Variants in HEMK2 observed in about 807,000 individuals in gnomAD.
The protein encoded by HEMK2 is methyltransferase HEMK2.
chr21:28,709,234 C>G, the HEMK2 span, among the ~76,000 whole-genome samples: 1 of 152,222 alleles, frequency 6.6e-6, no homozygotes, highest in Non-Finnish European at 1.5e-5. Context: ...CACAAACATT[C>G]TGTCCATTGC....
chr21:28,704,570 A>AC, the HEMK2 span, among the ~76,000 whole-genome samples: 1 of 150,776 alleles, frequency 6.6e-6, no homozygotes, highest in Non-Finnish European at 1.5e-5. Context: ...AAAAAAAAAA[A>AC]AAAAAAAACT....
At chr21:28,665,414 A>T in the HEMK2 span, among the ~76,000 whole-genome samples, 52 of 24,256 alleles carry the variant, frequency 2.1e-3, no homozygotes, top group Non-Finnish European at 2.5e-3. Flanking sequence ...TTATAGTCTA[A>T]GTTTTAGGGT....
chr21:28,576,378 A>C, the HEMK2 span, among the ~76,000 whole-genome samples: 1 of 152,144 alleles, frequency 6.6e-6, no homozygotes, highest in Non-Finnish European at 1.5e-5. Context: ...GCCATTCATA[A>C]ATTTCTCTTG....
chr21:28,699,824 G>GC, the HEMK2 span, among the ~76,000 whole-genome samples: 1 of 152,198 alleles, frequency 6.6e-6, no homozygotes, highest in Non-Finnish European at 1.5e-5. Flanking sequence ...GTTTCGTCAT[G>GC]CCCCATGAAA....
chr21:28,756,007 T>C, the HEMK2 span, among the ~76,000 whole-genome samples: 1 of 152,234 alleles, frequency 6.6e-6, no homozygotes, highest in Non-Finnish European at 1.5e-5. Context: ...GCCAGAATTG[T>C]AGCAGCTGAA....
chr21:28,646,641 CA>C, the HEMK2 span, among the ~76,000 whole-genome samples: 9 of 152,254 alleles, frequency 5.9e-5, no homozygotes, highest in Non-Finnish European at 1.2e-4. Context: ...TAGCATCAGT[CA>C]GGTGGCAGCT....
At chr21:28,581,354 C>T in the HEMK2 span, among the ~76,000 whole-genome samples, 5 of 152,202 alleles carry the variant, frequency 3.3e-5, no homozygotes, top group African/African-American at 1.2e-4. Context: ...GGTACAATTG[C>T]ACCACAGCTG....
At chr21:28,691,562 T>C in the HEMK2 span, among the ~76,000 whole-genome samples, 1 of 152,116 alleles carries the variant, frequency 6.6e-6, no homozygotes, top group African/African-American at 2.4e-5. Flanking sequence ...CTTATACATA[T>C]ACTGCCCCCG....
the HEMK2 span, among the ~76,000 whole-genome samples, chr21:28,613,944 TC>T: frequency 1 from 152,282 of 152,282 alleles, 76,141 homozygotes; most frequent in Non-Finnish European, 1. Context: ...CATGACTTTC[TC>T]CCCACGGTTC....
the HEMK2 span, among the ~76,000 whole-genome samples, chr21:28,789,424 C>A: frequency 6.6e-6 from 1 of 152,086 alleles, no homozygotes. Context: ...AGACAAGATG[C>A]TTGGCAGAGG....
the HEMK2 span, chr21:28,577,506 A>G: frequency 6.6e-6 from 1 of 152,212 alleles, no homozygotes; most frequent in Admixed American, 6.5e-5. Flanking sequence ...GATTTGCAAT[A>G]AGCATTGATA....
At chr21:28,781,335 A>G in the HEMK2 span, among the ~76,000 whole-genome samples, 9 of 152,156 alleles carry the variant, frequency 5.9e-5, no homozygotes, top group African/African-American at 2.2e-4. Flanking sequence ...ATCCATCTCT[A>G]TCATTCTTAT....
the HEMK2 span, among the ~76,000 whole-genome samples, chr21:28,691,242 CAT>C: frequency 1.0e-5 from 1 of 99,632 alleles, no homozygotes; most frequent in Non-Finnish European, 1.8e-5. Context: ...TGAGACAGTT[CAT>C]ATGAGAGAGG....
the HEMK2 span, among the ~76,000 whole-genome samples, chr21:28,841,481 A>G: frequency 3.3e-5 from 4 of 119,580 alleles, no homozygotes; most frequent in Non-Finnish European, 6.7e-5. Context: ...GGAATACTAC[A>G]TAGCCATAAA....
At chr21:28,801,858 A>G in the HEMK2 span, among the ~76,000 whole-genome samples, 8 of 148,690 alleles carry the variant, frequency 5.4e-5, no homozygotes, top group Admixed American at 4.7e-4. Flanking sequence ...TTGGATTAAC[A>G]AAAAAAGAAT....
At chr21:28,854,408 AT>A in the HEMK2 span, among the ~76,000 whole-genome samples, 1 of 150,642 alleles carries the variant, frequency 6.6e-6, no homozygotes, top group African/African-American at 2.5e-5. Flanking sequence ...CAACCTTAAT[AT>A]TTTGTTCCTC....
At chr21:28,596,609 C>T in the HEMK2 span, among the ~76,000 whole-genome samples, 1 of 152,136 alleles carries the variant, frequency 6.6e-6, no homozygotes, top group Non-Finnish European at 1.5e-5. Context: ...TCATAATTTG[C>T]TGCAACTCAA....
At chr21:28,695,595 G>A in the HEMK2 span, among the ~76,000 whole-genome samples, 1 of 152,036 alleles carries the variant, frequency 6.6e-6, no homozygotes, top group Non-Finnish European at 1.5e-5. Flanking sequence ...TCACTACCAT[G>A]AGAACCGCCC....
the HEMK2 span, among the ~76,000 whole-genome samples, chr21:28,815,962 G>A: frequency 2.6e-5 from 4 of 152,116 alleles, no homozygotes; most frequent in Admixed American, 6.6e-5. Flanking sequence ...GGTTAAGTAA[G>A]GTAAAATGAG....
Sources: allele counts gnomAD v4.1 joint callset (sites outside exome capture counted in the v4.1 genomes callset), GRCh38; gene constraint gnomAD v4.1.1; transcripts MANE v1.5; gene names NCBI Gene and HGNC (gene_info 2026-07-23, HGNC 2026-07-21).